PKIB: variants seen among roughly 807,000 people sequenced by gnomAD.
PKIB encodes PKI-beta.
PKIB carries 2 observed loss-of-function variants against 4.5 expected under a neutral mutation model. The observed-to-expected ratio is 0.44, with a 90% CI of 0.18 to 1.39. The LOEUF (loss-of-function observed/expected upper bound fraction) is 1.39. PKIB is among the 40% of genes most tolerant of loss of function. The pLI, the probability that PKIB is intolerant of heterozygous loss-of-function variation, is 0.27. For missense variants in PKIB, 94 were observed against 92.6 expected (o/e 1.02, Z -0.06); for synonymous variants, 38 against 36.0 (o/e 1.06, Z -0.20).
chr6:122,698,770 T>C (rs949245249), intron 3 of PKIB, among the ~76,000 whole-genome samples: 2 of 152,018 alleles, frequency 1.3e-5, no homozygotes, highest in African/African-American at 4.8e-5. Flanking sequence ...TTAAAGAAAA[T>C]TTGCAAAAGA....
intron 2 of PKIB, among the ~76,000 whole-genome samples, chr6:122,509,316 G>T (rs72499751): frequency 2.6e-5 from 4 of 151,984 alleles, no homozygotes; most frequent in African/African-American, 7.3e-5. Context: ...AACTTGTCAC[G>T]TAACTGAATT....
intron 2 of PKIB, among the ~76,000 whole-genome samples, chr6:122,502,438 TG>T (rs1776269676): frequency 1.3e-5 from 2 of 151,666 alleles, no homozygotes; most frequent in African/African-American, 4.8e-5. Flanking sequence ...GAGGCATGGC[TG>T]GGGAGGACTC....
chr6:122,550,720 C>G (rs1475390558), intron 2 of PKIB, among the ~76,000 whole-genome samples: 1 of 152,092 alleles, frequency 6.6e-6, no homozygotes, highest in Non-Finnish European at 1.5e-5. Context: ...TGTTGCCATG[C>G]AAAAAATTTC....
At chr6:122,693,914 A>G (rs1401982220) in intron 3 of PKIB, among the ~76,000 whole-genome samples, 4 of 152,230 alleles carry the variant, frequency 2.6e-5, no homozygotes, top group Non-Finnish European at 4.4e-5. Flanking sequence ...GGCCATCAGC[A>G]TATATCCTGA....
intron 2 of PKIB, among the ~76,000 whole-genome samples, chr6:122,640,103 AAAT>A (rs1377682980): frequency 6.6e-6 from 1 of 152,176 alleles, no homozygotes; most frequent in East Asian, 1.9e-4. Context: ...GAAGAGAAAA[AAAT>A]AATGAGTGTA....
chr6:122,721,495 A>C (rs1406364511), intron 4 of PKIB, among the ~76,000 whole-genome samples: 1 of 152,154 alleles, frequency 6.6e-6, no homozygotes, highest in Non-Finnish European at 1.5e-5. Context: ...CACCCTTCTA[A>C]AAATAGAACA....
chr6:122,598,362 T>C (rs866028554), intron 3 of PKIB, among the ~76,000 whole-genome samples: 1 of 152,224 alleles, frequency 6.6e-6, no homozygotes, highest in African/African-American at 2.4e-5. Flanking sequence ...CAGACTATTC[T>C]GATTGCTGCT....
chr6:122,524,142 C>T (rs374806782), intron 2 of PKIB, among the ~76,000 whole-genome samples: 5 of 145,188 alleles, frequency 3.4e-5, no homozygotes, highest in East Asian at 2.1e-4. Flanking sequence ...CTCCTTCCTC[C>T]TCCTCCCCCT....
chr6:122,566,908 G>T (rs1773211936), intron 2 of PKIB, among the ~76,000 whole-genome samples: 1 of 151,788 alleles, frequency 6.6e-6, no homozygotes, highest in African/African-American at 2.4e-5. Context: ...TTTAAACTGG[G>T]GACAAGGTCT....
intron 3 of PKIB, among the ~76,000 whole-genome samples, chr6:122,603,641 C>A (rs138073708): frequency 6.6e-6 from 1 of 152,070 alleles, no homozygotes; most frequent in Admixed American, 6.6e-5. Context: ...CTACCACGCC[C>A]GGCTAATTTA....
intron 2 of PKIB, among the ~76,000 whole-genome samples, chr6:122,660,383 T>C (rs1229172931): frequency 1.3e-5 from 2 of 152,330 alleles, no homozygotes; most frequent in Non-Finnish European, 1.5e-5. Context: ...GCTATGGAAC[T>C]AGAGGACTGA....
chr6:122,557,590 A>G (rs1469226289), intron 2 of PKIB, among the ~76,000 whole-genome samples: 1 of 152,234 alleles, frequency 6.6e-6, no homozygotes, highest in Non-Finnish European at 1.5e-5. Flanking sequence ...AGACAAAGTG[A>G]CAAAACCAAG....
intron 2 of PKIB, among the ~76,000 whole-genome samples, chr6:122,665,892 T>C (rs188169056): frequency 1.5e-4 from 23 of 152,330 alleles, no homozygotes; most frequent in African/African-American, 5.1e-4. Context: ...CAGTTTTTCC[T>C]TCGGTATAAA....
intron 1 of PKIB, among the ~76,000 whole-genome samples, chr6:122,630,676 T>C (rs1050325672): frequency 1.3e-5 from 2 of 152,184 alleles, no homozygotes; most frequent in Non-Finnish European, 2.9e-5. Context: ...TTTTATATGA[T>C]TTTAACTATA....
chr6:122,687,142 T>A (rs1582811888), intron 3 of PKIB, among the ~76,000 whole-genome samples: 1 of 152,350 alleles, frequency 6.6e-6, no homozygotes, highest in East Asian at 1.9e-4. Flanking sequence ...TTGATTTTTG[T>A]GTATGGCAAG....
chr6:122,571,486 G>A (rs971792592), intron 2 of PKIB, among the ~76,000 whole-genome samples: 1 of 152,084 alleles, frequency 6.6e-6, no homozygotes, highest in African/African-American at 2.4e-5. Context: ...AAGGATTTTG[G>A]TAGCTGTGAG....
At position 122,561,588 on chromosome 6, in the gene PKIB, G is replaced by A. The variant is rs114068437; in HGVS notation, c.-247-24333G>A. ...GTAATTTTTTTTTTTTATAAATTTG[G>A]GAGCTCCAGTGTATGGTGCATATAT... On this transcript the variant is annotated intron_variant, in intron 2 of 6. Transcript: ENST00000392491. Among the ~76,000 whole-genome samples the A allele has an allele frequency of 2.7e-3, 413 of 151,540 alleles. 4 individuals carry two copies. The highest frequency in any genetic ancestry group is 9.4e-3 in the African/African-American group (390 of 41,330).
chr6:122,659,720 T>A (rs781551639), intron 2 of PKIB, among the ~76,000 whole-genome samples: 8 of 152,206 alleles, frequency 5.3e-5, no homozygotes, highest in Non-Finnish European at 1.2e-4. Context: ...AGTCTTGAGC[T>A]ATTTTTCGGT....
chr6:122,673,863 G>A (rs1582799480), intron 2 of PKIB, among the ~76,000 whole-genome samples: 1 of 152,180 alleles, frequency 6.6e-6, no homozygotes, highest in East Asian at 1.9e-4. Flanking sequence ...TAAGCACAAA[G>A]ACAGATCTAT....
Sources: gnomAD v4.1 joint callset for allele counts (sites outside exome capture counted in the v4.1 genomes callset) on GRCh38, gnomAD v4.1.1 for gene constraint, MANE v1.5 for transcripts, NCBI Gene and HGNC (gene_info 2026-07-23, HGNC 2026-07-21) for gene names.